DAB1: variants seen among roughly 807,000 people sequenced by gnomAD.
The protein encoded by DAB1 is disabled homolog 1.
Under a neutral mutation model 64.6 loss-of-function variants are expected in DAB1, and 15 were observed. That is an observed-to-expected ratio of 0.23 (90% CI 0.16 to 0.36). The LOEUF (loss-of-function observed/expected upper bound fraction) is 0.36, where lower values mean the gene tolerates loss of function less well. Among genes scored for constraint, DAB1 ranks in the 10% least tolerant of loss-of-function variants. The probability of loss-of-function intolerance (pLI) is 1.00; values close to 1 mark genes in which losing one functional copy is unlikely to be tolerated. For synonymous variants in DAB1, 235 were observed against 251.9 expected (o/e 0.93, Z 0.64); for missense variants, 596 against 706.7 (o/e 0.84, Z 1.78).
chr1:57,104,031 G>A (rs898633411), intron 4 of DAB1, among the ~76,000 whole-genome samples: 3 of 152,136 alleles, frequency 2.0e-5, no homozygotes, highest in Non-Finnish European at 2.9e-5. Flanking sequence ...GGGCCCTGGA[G>A]GGTCCTGGGC....
intron 4 of DAB1, among the ~76,000 whole-genome samples, chr1:58,257,239 G>T (rs537418039): frequency 6.6e-6 from 1 of 152,262 alleles, no homozygotes; most frequent in South Asian, 2.1e-4. Context: ...GCCTTTAAAG[G>T]CCACATTAGT....
At chr1:57,909,389 T>A (rs1644606623) in intron 5 of DAB1, among the ~76,000 whole-genome samples, 2 of 152,230 alleles carry the variant, frequency 1.3e-5, no homozygotes, top group South Asian at 4.1e-4. Context: ...ATAATATTAC[T>A]TTCTAAAATA....
chr1:58,275,283 G>A (rs932998285), intron 4 of DAB1, among the ~76,000 whole-genome samples: 1 of 152,100 alleles, frequency 6.6e-6, no homozygotes, highest in African/African-American at 2.4e-5. Flanking sequence ...ATGATTTCTT[G>A]GATATTACGC....
At chr1:57,147,929 C>T (rs1309273737) in intron 2 of DAB1, among the ~76,000 whole-genome samples, 2 of 152,158 alleles carry the variant, frequency 1.3e-5, no homozygotes, top group African/African-American at 2.4e-5. Flanking sequence ...TCAAAACCCA[C>T]GTTTGTGGTT....
downstream of DAB1, among the ~76,000 whole-genome samples, chr1:57,824,453 G>A (rs1213154854): frequency 6.6e-6 from 1 of 151,944 alleles, no homozygotes; most frequent in East Asian, 1.9e-4. Flanking sequence ...TAGAGAAATA[G>A]GGTTACCTAT....
intron 5 of DAB1, among the ~76,000 whole-genome samples, chr1:58,132,275 C>G (rs1653653058): frequency 6.6e-6 from 1 of 152,184 alleles, no homozygotes; most frequent in Admixed American, 6.5e-5. Context: ...TCCCTGACCC[C>G]TTGCGCTTCC....
At position 57,214,721 on chromosome 1, in the gene DAB1, T is replaced by A. The variant is rs184480029; in HGVS notation, c.68-69292A>T. On this transcript the variant is annotated intron_variant, in intron 2 of 14. Transcript: ENST00000371236. ...GTCAGGAGATCGAGACCATCCTGGC[T>A]AACATGGTGAAACCCTGTCTTTACT... is the stretch of plus-strand genomic sequence containing the variant. Among the ~76,000 whole-genome samples the A allele has an allele frequency of 4.0e-3, 614 of 151,880 alleles. 6 individuals carry two copies. Among genetic ancestry groups the A allele is most frequent in the Admixed American group, 0.011 (174 of 15,248 alleles).
chr1:58,373,440 G>C (rs1256934203), intron 3 of DAB1, among the ~76,000 whole-genome samples: 3 of 149,042 alleles, frequency 2.0e-5, no homozygotes, highest in African/African-American at 7.4e-5. Flanking sequence ...TTTTGTTCTT[G>C]CAATAGTTTA....
In DAB1 at chr1:57,422,180, T is replaced by G. The variant is rs1388684642; in HGVS notation, c.-137+1750A>C. Among the ~76,000 whole-genome samples the G allele has an allele frequency of 3.3e-5, 5 of 152,220 alleles. No homozygotes were observed. In the East Asian group the frequency reaches 9.6e-4, roughly 29 times the overall value. ...TAATTGATATGATTACTTGAAAACG[T>G]TAAGTGTTGTAAAGTGTAGTGGAAC... On this transcript the variant is annotated intron_variant, in intron 1 of 14. Transcript: ENST00000371236.
intron 4 of DAB1, among the ~76,000 whole-genome samples, chr1:58,180,987 A>G (rs1356382149): frequency 6.6e-6 from 1 of 152,188 alleles, no homozygotes; most frequent in Non-Finnish European, 1.5e-5. Context: ...TTAGGTCAAA[A>G]TAATTGATAG....
At chr1:57,081,871 C>T (rs1163681998) in intron 4 of DAB1, among the ~76,000 whole-genome samples, 1 of 151,884 alleles carries the variant, frequency 6.6e-6, no homozygotes, top group Admixed American at 6.6e-5. Flanking sequence ...AAATATATTG[C>T]TATTAAAAAA....
chr1:57,103,793 G>A (rs1309077969), intron 4 of DAB1, among the ~76,000 whole-genome samples: 1 of 152,182 alleles, frequency 6.6e-6, no homozygotes, highest in Non-Finnish European at 1.5e-5. Flanking sequence ...GCTTGGTTCT[G>A]CAGAGTGGGT....
chr1:57,542,933 G>C (rs768019324), intron 7 of DAB1, among the ~76,000 whole-genome samples: 5 of 152,240 alleles, frequency 3.3e-5, no homozygotes, highest in South Asian at 2.1e-4. Flanking sequence ...ACTTGCTCTG[G>C]GGGGAAGCCA....
intron 6 of DAB1, among the ~76,000 whole-genome samples, chr1:57,814,496 G>A (rs1433910846): frequency 3.3e-5 from 5 of 152,144 alleles, no homozygotes; most frequent in Admixed American, 2.6e-4. Flanking sequence ...AAAACATCAG[G>A]AAAGCGGCTT....
At chr1:57,798,034 C>A (rs1427187250) in intron 6 of DAB1, among the ~76,000 whole-genome samples, 1 of 152,156 alleles carries the variant, frequency 6.6e-6, no homozygotes, top group African/African-American at 2.4e-5. Flanking sequence ...GAGAGAGGTA[C>A]TGTTATTAGT....
intron 7 of DAB1, among the ~76,000 whole-genome samples, chr1:57,490,877 A>G (rs906437023): frequency 1.3e-5 from 2 of 152,226 alleles, no homozygotes; most frequent in African/African-American, 4.8e-5. Flanking sequence ...AGTAATAACT[A>G]TAATATACTT....
intron 1 of DAB1, among the ~76,000 whole-genome samples, chr1:57,337,161 T>A (rs1228439172): frequency 6.6e-6 from 1 of 152,190 alleles, no homozygotes; most frequent in Admixed American, 6.5e-5. Context: ...CAAGCCACCA[T>A]CCCCTTTCTC....
chr1:57,613,493 T>C (rs1343346497), intron 7 of DAB1, among the ~76,000 whole-genome samples: 1 of 152,020 alleles, frequency 6.6e-6, no homozygotes, highest in Non-Finnish European at 1.5e-5. Flanking sequence ...CTTCACTCTA[T>C]GGATTAGCTA....
At chr1:58,166,498 T>A (rs970097790) in intron 4 of DAB1, among the ~76,000 whole-genome samples, 2 of 152,216 alleles carry the variant, frequency 1.3e-5, no homozygotes, top group Non-Finnish European at 2.9e-5. Flanking sequence ...TCATTACATT[T>A]TATTCCACTG....
Sources: gnomAD v4.1 joint callset for allele counts (sites outside exome capture counted in the v4.1 genomes callset) on GRCh38, gnomAD v4.1.1 for gene constraint, MANE v1.5 for transcripts, NCBI Gene and HGNC (gene_info 2026-07-23, HGNC 2026-07-21) for gene names.